The following PITPNM2 variants were observed in gnomAD, a reference collection of about 807,000 sequenced individuals.
The protein encoded by PITPNM2 is phosphatidylinositol transfer protein membrane associated 2, also known as membrane-associated phosphatidylinositol transfer protein 2.
PITPNM2 carries 35 observed loss-of-function variants against 132.2 expected under a neutral mutation model. The observed-to-expected ratio is 0.26, with a 90% CI of 0.20 to 0.35. The LOEUF is 0.35. Ranked by LOEUF, PITPNM2 falls within the 10% of genes least tolerant of loss-of-function variation. PITPNM2 has a pLI of 1.00. For synonymous variants in PITPNM2, 738 were observed against 799.2 expected (o/e 0.92, Z 1.29); for missense variants, 1,332 against 1,912.0 (o/e 0.70, Z 5.66).
At chr12:123,061,173 G>A (rs1034451784) in intron 2 of PITPNM2, among the ~76,000 whole-genome samples, 2 of 152,124 alleles carry the variant, frequency 1.3e-5, no homozygotes, top group African/African-American at 4.8e-5. Flanking sequence ...TCTTCACAAC[G>A]GGTCACAGTT....
chr12:123,063,947 A>G (rs1382494877), intron 2 of PITPNM2, among the ~76,000 whole-genome samples: 1 of 151,916 alleles, frequency 6.6e-6, no homozygotes, highest in East Asian at 1.9e-4. Context: ...GAATAAATTA[A>G]CAGACAATCA....
intron 1 of PITPNM2, among the ~76,000 whole-genome samples, chr12:123,147,859 C>T (rs1455163624): frequency 6.6e-6 from 1 of 152,184 alleles, no homozygotes; most frequent in Non-Finnish European, 1.5e-5. Context: ...ACCTACCCTG[C>T]ACAGTGTGTC....
chr12:123,038,445 G>A (rs541924927), intron 2 of PITPNM2, among the ~76,000 whole-genome samples: 3 of 152,186 alleles, frequency 2.0e-5, no homozygotes, highest in African/African-American at 4.8e-5. Context: ...GCTGAGCCTC[G>A]GTCTCTCCAT....
chr12:123,065,737 G>A (rs535934629), intron 2 of PITPNM2, among the ~76,000 whole-genome samples: 7 of 152,296 alleles, frequency 4.6e-5, no homozygotes, highest in African/African-American at 1.7e-4. Flanking sequence ...GGGCTGGCCT[G>A]GGAGCCTTAG....
intron 2 of PITPNM2, among the ~76,000 whole-genome samples, chr12:123,071,143 G>A (rs889975762): frequency 1.3e-5 from 2 of 152,226 alleles, no homozygotes; most frequent in African/African-American, 4.8e-5. Flanking sequence ...GGGAGCAACA[G>A]GCTGAACTCT....
Position 123,025,776 on chromosome 12 carries a change from T to G in PITPNM2, c.78+8737A>C, listed in dbSNP as rs112228693. On this transcript the variant is annotated intron_variant, in intron 3 of 25. Transcript: ENST00000320201. ...GTGAAAACAGCAAGCTCTTCCTGGA[T>G]GCTCTAAGCTCCCACCTCTTCCAGT... Among the ~76,000 whole-genome samples the G allele has an allele frequency of 5.3e-3, 800 of 152,296 alleles. 7 individuals are homozygous for G. The highest frequency in any genetic ancestry group is 0.017 in the African/African-American group (724 of 41,548).
intron 2 of PITPNM2, chr12:123,091,479 G>C (rs1566288460): frequency 6.6e-6 from 1 of 152,204 alleles, no homozygotes; most frequent in African/African-American, 2.4e-5. Context: ...ACCTAGGGCT[G>C]GATGGTTCTC....
chr12:123,104,088 T>G (rs1333757832), intron 2 of PITPNM2, among the ~76,000 whole-genome samples: 2 of 152,006 alleles, frequency 1.3e-5, no homozygotes, highest in African/African-American at 2.4e-5. Flanking sequence ...CACATCTGGG[T>G]AATCTTTGTA....
intron 2 of PITPNM2, among the ~76,000 whole-genome samples, chr12:123,076,808 A>G (rs2041804517): frequency 6.6e-6 from 1 of 152,212 alleles, no homozygotes; most frequent in Admixed American, 6.5e-5. Context: ...CTCAGACACC[A>G]TTCAAACCCA....
chr12:123,068,194 A>ACGGCCGGATG (rs141138502), intron 2 of PITPNM2, among the ~76,000 whole-genome samples: 1 of 151,630 alleles, frequency 6.6e-6, no homozygotes, highest in Non-Finnish European at 1.5e-5. Context: ...ACGGCCGGGC[A>ACGGCCGGATG]CGGTGGCTCA....
chr12:123,127,852 G>A lies in PITPNM2; in HGVS notation c.-199-17364C>T, dbSNP rs965976811. 4.6e-5 allele frequency among the ~76,000 whole-genome samples: 7 copies of A among 151,996 alleles called. 1 individual carries two copies. Among genetic ancestry groups the A allele is most frequent in the South Asian group, 4.1e-4 (2 of 4,822 alleles). On this transcript the variant is annotated intron_variant, in intron 1 of 25. Transcript: ENST00000320201. ...TATCAATCTCCTGACCTCGTGATCC[G>A]CCCGCCTTGGCCTCCCAAAGTGCTG...
At chr12:123,021,870 T>G (rs948305194) in intron 3 of PITPNM2, 5 of 219,906 alleles carry the variant, frequency 2.3e-5, no homozygotes, top group African/African-American at 1.2e-4. Context: ...GGAGAAGCAA[T>G]AGTACTGGCT....
Position 122,997,434 on chromosome 12 carries a change from C to T in PITPNM2, c.1363G>A (p.Val455Met), listed in dbSNP as rs920345737. The change falls in exon 11 of 26, where the codon GTG (valine) becomes ATG (methionine). Residue 455 changes from valine (V) to methionine (M), a missense_variant. By Grantham distance (21) the Val-to-Met change is conservative. Around this residue, in one of 6 missense-constraint regions of PITPNM2, gnomAD observed 710 missense variants for 911.5 expected, o/e 0.78. Transcript: ENST00000320201. ...TGCACGCGCATGACGGTGTCGAACA[C>T]GTTGGCGATGGTGTTAGCATCGCCC... ...KKGDANTIAN[V>M]FDTVMRVHYP... The T allele has an allele frequency of 1.2e-5, 19 of 1,613,576 alleles. No individual in the cohort carries two copies. The highest frequency in any genetic ancestry group is 2.2e-5 in the South Asian group (2 of 91,084).
intron 8 of PITPNM2, 99 bp from the exon 9 acceptor site, chr12:123,001,257 G>A (rs1275651285): frequency 2.2e-5 from 19 of 875,780 alleles, no homozygotes; most frequent in East Asian, 9.8e-5. Context: ...TGCTCTGACC[G>A]TTCCTCAACA....
rs10612599 is a variant in PITPNM2, at chr12:123,006,719, GTAATAATAATAATAA to G, written c.644-1186_644-1172del. On this transcript the variant is annotated intron_variant, in intron 6 of 25. Coordinates refer to ENST00000320201, the MANE Select transcript of PITPNM2 (RefSeq NM_020845.3). ...CAGAGTAAGACCCTGTCTCAAAATA[GTAATAATAATAATAA>G]TAATAATAATAATAATAATAGAATG... Among the ~76,000 whole-genome samples the G allele has an allele frequency of 1.8e-4, 25 of 140,112 alleles. 1 individual carries two copies. Among genetic ancestry groups the G allele is most frequent in the Middle Eastern group, 3.6e-3 (1 of 278 alleles). The allele number at this position is 140,112 out of a possible 152,430, so 91.9% of individuals were successfully genotyped here. A position where few individuals can be genotyped will look rare whatever the true frequency, so the allele number is the denominator to read the frequency against.
chr12:123,010,922 G>A (rs2039171092), intron 5 of PITPNM2, among the ~76,000 whole-genome samples: 1 of 152,242 alleles, frequency 6.6e-6, no homozygotes, highest in African/African-American at 2.4e-5. Context: ...AGGGGCAGAT[G>A]CCACAGAGGT....
chr12:122,988,917 A>G (rs2038059570), intron 18 of PITPNM2, 45 bp from the exon 19 acceptor site: 3 of 1,493,762 alleles, frequency 2.0e-6, no homozygotes, highest in South Asian at 1.3e-5. Flanking sequence ...ATAGCCCCAG[A>G]CAGGGACCCC....
At chr12:123,076,243 C>T (rs1487083810) in intron 2 of PITPNM2, 1 of 152,212 alleles carries the variant, frequency 6.6e-6, no homozygotes, top group East Asian at 1.9e-4. Flanking sequence ...ATTCTCCAGC[C>T]CCAAAGCAGA....
In PITPNM2 at chr12:123,009,982, G is replaced by C. The variant is rs1480110750; in HGVS notation, c.511C>G (p.Pro171Ala). The C allele has an allele frequency of 6.2e-7, 1 of 1,614,178 alleles. No individual in the cohort carries two copies. The highest frequency in any genetic ancestry group is 1.7e-5 in the Admixed American group (1 of 60,024). ...TCCTCGATCCAGTTCTCGGACAGGG[G>C]CCCCCGCTGGGTCTTGGTTGACTGG... Reference protein sequence around the residue: ...LFQSTKTQRGPLSENWIEEYK... With the variant: ...LFQSTKTQRGALSENWIEEYK... The change falls in exon 6 of 26, where the codon CCC becomes GCC. Residue 171 changes from proline to alanine, a missense_variant. Around this residue, in one of 6 missense-constraint regions of PITPNM2, gnomAD observed 122 missense variants for 209.6 expected, o/e 0.58. Transcript: ENST00000320201. This position sits in a 1 kb window ranked among gnomAD's most constrained non-coding sequence, Gnocchi z 4.8.
Sources: gnomAD v4.1 joint callset for allele counts (sites outside exome capture counted in the v4.1 genomes callset) on GRCh38, gnomAD v4.1.1 for gene constraint, gnomAD v4.1.1 regional missense constraint, Gnocchi (gnomAD v3.1) non-coding constraint, MANE v1.5 for transcripts, NCBI Gene and HGNC (gene_info 2026-07-23, HGNC 2026-07-21) for gene names.